Variants in SLC23A2 observed in about 807,000 individuals in gnomAD.
SLC23A2 encodes Na(+)/L-ascorbic acid transporter 2.
SLC23A2 carries 36 observed loss-of-function variants against 73.3 expected under a neutral mutation model. That is an observed-to-expected ratio of 0.49 (90% confidence interval 0.38 to 0.65). The LOEUF is 0.65. SLC23A2 is among the 30% of genes least tolerant of loss of function. The pLI, the probability that SLC23A2 is intolerant of heterozygous loss-of-function variation, is 0.00. For synonymous variants in SLC23A2, 343 were observed against 327.3 expected (o/e 1.05, Z -0.52); for missense variants, 507 against 841.6 (o/e 0.60, Z 4.92).
intron 4 of SLC23A2, among the ~76,000 whole-genome samples, chr20:4,912,618 T>C (rs1389924801): frequency 7.1e-6 from 1 of 141,734 alleles, no homozygotes; most frequent in Non-Finnish European, 1.5e-5. Flanking sequence ...CCTTTTTAAA[T>C]ACCTGGATCC....
At chr20:4,960,012 T>C (rs1391998181) in intron 2 of SLC23A2, among the ~76,000 whole-genome samples, 1 of 152,182 alleles carries the variant, frequency 6.6e-6, no homozygotes, top group Non-Finnish European at 1.5e-5. Context: ...CAGGCTGGTC[T>C]CAAACTCCTG....
intron 6 of SLC23A2, among the ~76,000 whole-genome samples, chr20:4,892,556 T>C (rs763643264): frequency 5.3e-5 from 8 of 152,198 alleles, no homozygotes; most frequent in Non-Finnish European, 1.0e-4. Flanking sequence ...ATTTTTTTAT[T>C]TGGGCACAAA....
intron 2 of SLC23A2, among the ~76,000 whole-genome samples, chr20:4,963,338 G>T (rs372990255): frequency 3.3e-5 from 5 of 152,080 alleles, no homozygotes; most frequent in Admixed American, 1.3e-4. Flanking sequence ...GAAAATAAGC[G>T]AAGGGTATAT....
intron 1 of SLC23A2, among the ~76,000 whole-genome samples, chr20:4,990,339 C>G (rs1030180234): frequency 2.0e-5 from 3 of 151,876 alleles, no homozygotes; most frequent in Non-Finnish European, 4.4e-5. Flanking sequence ...GGCAACACAG[C>G]AAGATTCCAT....
chr20:4,932,476 G>A lies in SLC23A2; in HGVS notation c.87C>T (p.His29=), dbSNP rs1310595124. The part of the protein sequence containing the change: ...TEGKYEDEAK[H]PAFFTLPVVI... ...TTACCGGAAGAGTGAAGAAAGCTGG[G>A]TGCTTTGCCTCGTCTTCGTATTTGC... Residue 29 remains histidine (H), a synonymous_variant, in exon 3 of 17, where the codon CAC becomes CAT. Coordinates refer to ENST00000338244, the MANE Select transcript of SLC23A2 (RefSeq NM_005116.6). The A allele has an allele frequency of 1.3e-6, 2 of 1,596,050 alleles. 1 individual carries two copies. Among genetic ancestry groups the A allele is most frequent in the South Asian group, 2.2e-5 (2 of 90,758 alleles).
intron 2 of SLC23A2, among the ~76,000 whole-genome samples, chr20:4,948,734 T>C (rs1357960478): frequency 6.6e-6 from 1 of 152,244 alleles, no homozygotes; most frequent in African/African-American, 2.4e-5. Flanking sequence ...CAGGAGTGTG[T>C]TCTTCCTAAG....
intron 1 of SLC23A2, among the ~76,000 whole-genome samples, chr20:4,996,696 A>AAAC (rs1568662296): frequency 7.0e-6 from 1 of 142,664 alleles, no homozygotes; most frequent in Admixed American, 7.3e-5. Context: ...AAAAAAAAAA[A>AAAC]AAAAAAAAAA....
intron 2 of SLC23A2, among the ~76,000 whole-genome samples, chr20:4,934,879 T>G (rs1448081714): frequency 7.1e-6 from 1 of 141,466 alleles, no homozygotes; most frequent in Non-Finnish European, 1.5e-5. Flanking sequence ...AAAAAAATCT[T>G]GAAACTTCTT....
chr20:4,989,700 A>C lies in SLC23A2; in HGVS notation c.-282+11706T>G, dbSNP rs370043151. On this transcript the variant is annotated intron_variant, in intron 1 of 16. Transcript: ENST00000338244. ...AAAAAAAAAAATTTGCATATGAAATAAAGTTTTGACTGCAACCCATGACAT... is the reference window on the plus strand; with the variant it reads ...AAAAAAAAAAATTTGCATATGAAATCAAGTTTTGACTGCAACCCATGACAT... Among the ~76,000 whole-genome samples, 3 of 150,780 alleles carry C rather than the reference A, an allele frequency of 2.0e-5. No individual in the cohort carries two copies. In the East Asian group the frequency reaches 5.8e-4, roughly 29 times the overall value.
rs911014307 is a variant in SLC23A2, at chr20:4,872,104, A to G, written c.1102+1832T>C. Among the ~76,000 whole-genome samples the G allele has an allele frequency of 6.6e-6, 1 of 152,208 alleles. No homozygotes were observed. Among genetic ancestry groups the G allele is most frequent in the East Asian group, 1.9e-4 (1 of 5,180 alleles). On this transcript the variant is annotated intron_variant, in intron 11 of 16. Transcript: ENST00000338244. The surrounding 1 kb of genome is among the most constrained non-coding windows in gnomAD (Gnocchi z 4.4). ...AAACTTTCATTTAGTTTGTTACTTG[A>G]CAGCAGGGTTTTTCAACCTCAGCAC... is the stretch of plus-strand genomic sequence containing the variant.
At chr20:4,920,984 T>C (rs1932484900) in intron 3 of SLC23A2, among the ~76,000 whole-genome samples, 1 of 152,158 alleles carries the variant, frequency 6.6e-6, no homozygotes, top group African/African-American at 2.4e-5. Context: ...AATGAAAGAA[T>C]ATAAATGGCC....
At chr20:4,895,149 T>C (rs1038712070) in intron 6 of SLC23A2, among the ~76,000 whole-genome samples, 7 of 152,202 alleles carry the variant, frequency 4.6e-5, no homozygotes, top group African/African-American at 1.7e-4. Context: ...CACTGTGTCT[T>C]AGAAATCACG....
intron 1 of SLC23A2, among the ~76,000 whole-genome samples, chr20:4,980,680 G>A (rs553886317): frequency 5.3e-5 from 8 of 151,898 alleles, no homozygotes; most frequent in African/African-American, 1.9e-4. Flanking sequence ...ACAGGTGGCT[G>A]CCACCACACC....
At chr20:4,919,828 T>C (rs998134185) in intron 3 of SLC23A2, among the ~76,000 whole-genome samples, 3 of 152,116 alleles carry the variant, frequency 2.0e-5, no homozygotes, top group Non-Finnish European at 1.5e-5. Context: ...CCCATGTCTC[T>C]AAAATGTAAA....
chr20:4,983,781 A>ACC (rs1219808311), intron 1 of SLC23A2, among the ~76,000 whole-genome samples: 1 of 151,300 alleles, frequency 6.6e-6, no homozygotes, highest in Non-Finnish European at 1.5e-5. Flanking sequence ...ACATGGAGAA[A>ACC]CCCCATCTCT....
rs1213189947 is a variant in SLC23A2 at position 4,857,435 on chromosome 20, A to G, written c.1721-231T>C. ...TGCCCAAACCAGAAGTCTAAGAAGC[A>G]CTAACCCCTCCATGTCCTCATTCAA... On this transcript the variant is annotated intron_variant, in intron 16 of 16. Coordinates refer to ENST00000338244, the MANE Select transcript of SLC23A2 (RefSeq NM_005116.6). The surrounding 1 kb of genome is among the most constrained non-coding windows in gnomAD (Gnocchi z 4.0). Among the ~76,000 whole-genome samples the G allele has an allele frequency of 6.6e-6, 1 of 152,096 alleles. No individual in the cohort carries two copies. Among genetic ancestry groups the G allele is most frequent in the Non-Finnish European group, 1.5e-5 (1 of 68,024 alleles).
chr20:4,885,755 T>A, intron 7 of SLC23A2, 66 bp downstream of exon 7: 1 of 1,155,678 alleles, frequency 8.7e-7, no homozygotes. Context: ...GGGCAGCACG[T>A]CCAGGCCTCC....
At chr20:4,995,821 C>A (rs937982837) in intron 1 of SLC23A2, among the ~76,000 whole-genome samples, 3 of 152,158 alleles carry the variant, frequency 2.0e-5, no homozygotes, top group African/African-American at 7.2e-5. Context: ...ATACCCAGCC[C>A]ACAGGGCTGC....
At chr20:4,938,209 AG>A (rs2086990101) in intron 2 of SLC23A2, among the ~76,000 whole-genome samples, 1 of 151,292 alleles carries the variant, frequency 6.6e-6, no homozygotes, top group Non-Finnish European at 1.5e-5. Flanking sequence ...TGTAGAGATG[AG>A]GTTTCACAAT....
Sources: allele counts gnomAD v4.1 joint callset (sites outside exome capture counted in the v4.1 genomes callset), GRCh38; gene constraint gnomAD v4.1.1; non-coding constraint Gnocchi (gnomAD v3.1); transcripts MANE v1.5; gene names NCBI Gene and HGNC (gene_info 2026-07-23, HGNC 2026-07-21).